CLN8: variants seen among roughly 807,000 people sequenced by gnomAD.
The protein encoded by CLN8 is protein CLN8.
In CLN8, 14 loss-of-function variants were observed where a neutral mutation model predicts 15.7. The ratio of observed to expected loss-of-function variants is 0.89; its 90% CI spans 0.59 to 1.39. CLN8 has a LOEUF of 1.39. CLN8 is among the 40% of genes most tolerant of loss of function. The pLI is 0.00. For missense variants in CLN8, 415 were observed against 364.0 expected (o/e 1.14, Z -1.14); for synonymous variants, 188 against 151.0 (o/e 1.25, Z -1.80).
Position 1,756,683 on chromosome 8 carries a change from T to A in CLN8, c.-124+601T>A, listed in dbSNP as rs533046874. On this transcript the variant is annotated intron_variant, in intron 1 of 1. Transcript: ENST00000524258. The stretch of plus-strand genomic sequence containing the variant: ...TCTAGGTATGAATTAAGCATTCCTT[T>A]TTTTTTTTTTTTTTTTGAGACAGAG... 2.7e-3 allele frequency among the ~76,000 whole-genome samples: 405 copies of A among 148,610 alleles called. 3 individuals are homozygous for A. The highest frequency in any genetic ancestry group is 9.3e-3 in the African/African-American group (377 of 40,630).
intron 2 of CLN8, among the ~76,000 whole-genome samples, chr8:1,772,043 C>T (rs1307712900): frequency 1.3e-5 from 2 of 151,944 alleles, no homozygotes; most frequent in African/African-American, 4.8e-5. Flanking sequence ...TCAAGTGATT[C>T]TCCTGCGTCA....
chr8:1,773,117 T>C (rs1801379791), intron 2 of CLN8: 1 of 393,310 alleles, frequency 2.5e-6, no homozygotes, highest in Admixed American at 4.4e-5. Context: ...AGGAGGAACT[T>C]GTGTTCCTGG....
intron 2 of CLN8, among the ~76,000 whole-genome samples, chr8:1,779,775 GTC>G (rs1304558170): frequency 6.6e-6 from 1 of 152,142 alleles, no homozygotes; most frequent in Admixed American, 6.5e-5. Flanking sequence ...GAAGGCTCTG[GTC>G]TCTTTCTCTT....
At chr8:1,753,877 C>T (rs1466417605), upstream of CLN8, among the ~76,000 whole-genome samples, 1 of 151,398 alleles carries the variant, frequency 6.6e-6, no homozygotes, top group Non-Finnish European at 1.5e-5. Flanking sequence ...CAAGAGTGAA[C>T]CTCCATCTCA....
chr8:1,761,806 A>G (rs6558534), upstream of CLN8, among the ~76,000 whole-genome samples: 123,192 of 152,250 alleles, frequency 0.81, 50,078 homozygotes, highest in Non-Finnish European at 0.83. Context: ...GGTCCCAGCT[A>G]ATTCAGCAAG....
chr8:1,763,654 G>T (rs866578652), upstream of CLN8: 2 of 87,254 alleles, frequency 2.3e-5, no homozygotes, highest in Admixed American at 2.2e-4. Flanking sequence ...TCCCGCGCCC[G>T]CCGCCCCGCC....
upstream of CLN8, among the ~76,000 whole-genome samples, chr8:1,754,238 C>G (rs1416886211): frequency 6.6e-6 from 1 of 152,230 alleles, no homozygotes; most frequent in East Asian, 1.9e-4. Flanking sequence ...TCCTGCTGGC[C>G]TGCCCGTTGC....
chr8:1,770,011 ATATT>A (rs1801235531), intron 1 of CLN8, among the ~76,000 whole-genome samples: 1 of 152,214 alleles, frequency 6.6e-6, no homozygotes, highest in Non-Finnish European at 1.5e-5. Flanking sequence ...AGGATGAAAC[ATATT>A]TAAGTCATTA....
upstream of CLN8, among the ~76,000 whole-genome samples, chr8:1,755,555 C>A (rs13273566): frequency 7.5e-4 from 114 of 152,298 alleles, no homozygotes; most frequent in Middle Eastern, 3.4e-3. Flanking sequence ...AACACCGTGT[C>A]GCAGGTCCTG....
chr8:1,776,391 G>T (rs1801517435), intron 2 of CLN8, among the ~76,000 whole-genome samples: 1 of 152,150 alleles, frequency 6.6e-6, no homozygotes, highest in Non-Finnish European at 1.5e-5. Context: ...GATAACAGAA[G>T]GTTCTGGAAG....
intron 1 of CLN8, among the ~76,000 whole-genome samples, chr8:1,767,987 G>C (rs974614400): frequency 1.3e-5 from 2 of 151,464 alleles, no homozygotes; most frequent in Non-Finnish European, 2.9e-5. Flanking sequence ...CTGTTGCCCA[G>C]GTTGAAGTGC....
At chr8:1,761,853 G>C (rs1414827884), upstream of CLN8, 4 of 152,238 alleles carry the variant, frequency 2.6e-5, no homozygotes, top group Non-Finnish European at 1.5e-5. Flanking sequence ...ACTGTTGTTA[G>C]GTTTTTCAAT....
At chr8:1,761,831 A>C (rs1401403303), upstream of CLN8, among the ~76,000 whole-genome samples, 1 of 152,208 alleles carries the variant, frequency 6.6e-6, no homozygotes, top group Admixed American at 6.5e-5. Context: ...AGGTCTGCAA[A>C]ATATCTCAAG....
At chr8:1,770,019 G>C (rs1801235626) in intron 1 of CLN8, among the ~76,000 whole-genome samples, 1 of 152,194 alleles carries the variant, frequency 6.6e-6, no homozygotes, top group Non-Finnish European at 1.5e-5. Context: ...ACATATTTAA[G>C]TCATTACACT....
chr8:1,781,652 G>C lies in CLN8; in HGVS notation c.*1085G>C, dbSNP rs1472532907. ...TCATAATCAGGTTGTCTGGGTTTCA[G>C]AGCTGTTTTTAATTGACTGAGTTAC... On this transcript the variant is annotated 3_prime_UTR_variant, in exon 3 of 3. Coordinates refer to ENST00000331222, the MANE Select transcript of CLN8 (RefSeq NM_018941.4). 1 of 152,088 alleles carries C rather than the reference G, an allele frequency of 6.6e-6. No homozygotes were observed. Among genetic ancestry groups the C allele is most frequent in the Non-Finnish European group, 1.5e-5 (1 of 68,022 alleles). The allele number at this position is 152,088 out of a possible 1,614,324, so 9.4% of individuals were successfully genotyped here. A position where few individuals can be genotyped will look rare whatever the true frequency, so the allele number is the denominator to read the frequency against.
At chr8:1,778,979 C>T (rs150382098) in intron 2 of CLN8, among the ~76,000 whole-genome samples, 2 of 152,174 alleles carry the variant, frequency 1.3e-5, no homozygotes, top group East Asian at 3.9e-4. Context: ...GATCAGCCTA[C>T]GTTTGAGCAA....
intron 1 of CLN8, among the ~76,000 whole-genome samples, chr8:1,766,340 C>G (rs1399594013): frequency 6.6e-6 from 1 of 151,644 alleles, no homozygotes; most frequent in Non-Finnish European, 1.5e-5. Context: ...TGGAAGCCTT[C>G]CAGAATGAAA....
chr8:1,771,339 G>C lies in CLN8; in HGVS notation c.285G>C (p.Lys95Asn), dbSNP rs769440513. 1 of 1,614,204 alleles carries C rather than the reference G, an allele frequency of 6.2e-7. No homozygotes were observed. The highest frequency in any genetic ancestry group is 1.1e-5 in the South Asian group (1 of 91,088). ...LLGDPVLHAD[K>N]ARGQQNWCWF... The stretch of plus-strand genomic sequence containing the variant: ...GGGACCCTGTGCTGCATGCCGACAA[G>C]GCGCGTGGCCAGCAGAACTGGTGCT... Residue 95 changes from lysine to asparagine, a missense_variant, in exon 2 of 3, where the codon AAG becomes AAC. Transcript: ENST00000331222.
intron 1 of CLN8, chr8:1,764,291 G>A (rs1011024158): frequency 4.6e-5 from 7 of 152,304 alleles, no homozygotes; most frequent in African/African-American, 1.7e-4. Context: ...GGGCGTGGGG[G>A]GCTCCTCACC....
Sources: gnomAD v4.1 joint callset for allele counts (sites outside exome capture counted in the v4.1 genomes callset) on GRCh38, gnomAD v4.1.1 for gene constraint, MANE v1.5 for transcripts, NCBI Gene and HGNC (gene_info 2026-07-23, HGNC 2026-07-21) for gene names.